TMEM200A: variants seen among roughly 807,000 people sequenced by gnomAD.
TMEM200A encodes transmembrane protein 200A.
TMEM200A carries 12 observed loss-of-function variants against 24.3 expected under a neutral mutation model. That is an observed-to-expected ratio of 0.49 (90% CI 0.32 to 0.80). The LOEUF is 0.80. Among genes scored for constraint, TMEM200A ranks in the 30% least tolerant of loss-of-function variants. TMEM200A has a pLI of 0.04. For synonymous variants in TMEM200A, 224 were observed against 224.4 expected (o/e 1.00, Z 0.02); for missense variants, 545 against 614.4 (o/e 0.89, Z 1.19).
intron 2 of TMEM200A, among the ~76,000 whole-genome samples, chr6:130,390,692 A>C (rs1778813752): frequency 6.6e-6 from 1 of 152,218 alleles, no homozygotes; most frequent in Non-Finnish European, 1.5e-5. Context: ...ATGAAAAGCA[A>C]ATACTGCATA....
intron 2 of TMEM200A, among the ~76,000 whole-genome samples, chr6:130,412,902 A>G (rs1173790812): frequency 6.6e-6 from 1 of 152,234 alleles, no homozygotes; most frequent in Non-Finnish European, 1.5e-5. Context: ...TAATGTGAAG[A>G]TACATATTTT....
chr6:130,393,644 T>C (rs1458983214), intron 2 of TMEM200A, among the ~76,000 whole-genome samples: 1 of 152,328 alleles, frequency 6.6e-6, no homozygotes, highest in African/African-American at 2.4e-5. Flanking sequence ...AATTTGTAAA[T>C]TAGTTTGCTG....
At chr6:130,410,621 C>G (rs1473422753) in intron 2 of TMEM200A, among the ~76,000 whole-genome samples, 1 of 152,146 alleles carries the variant, frequency 6.6e-6, no homozygotes, top group Non-Finnish European at 1.5e-5. Flanking sequence ...GTCATTGCTC[C>G]TGTTGAGTGT....
At chr6:130,382,374 G>A (rs1350571107) in intron 1 of TMEM200A, among the ~76,000 whole-genome samples, 1 of 152,200 alleles carries the variant, frequency 6.6e-6, no homozygotes, top group Non-Finnish European at 1.5e-5. Context: ...TGCTCTACAT[G>A]AAACAGCTGT....
At chr6:130,374,436 G>A (rs957620143) in intron 1 of TMEM200A, among the ~76,000 whole-genome samples, 19 of 149,754 alleles carry the variant, frequency 1.3e-4, no homozygotes, top group African/African-American at 4.2e-4. Context: ...TTTTTCAGAC[G>A]GAGTCTCGCT....
At chr6:130,371,864 T>C (rs754296494) in intron 1 of TMEM200A, among the ~76,000 whole-genome samples, 8 of 152,210 alleles carry the variant, frequency 5.3e-5, no homozygotes, top group Non-Finnish European at 1.0e-4. Context: ...GATAAGAATA[T>C]GGAATGGGCA....
chr6:130,376,257 AATT>A (rs1282424339), intron 1 of TMEM200A, among the ~76,000 whole-genome samples: 1 of 152,194 alleles, frequency 6.6e-6, no homozygotes, highest in African/African-American at 2.4e-5. Context: ...CACATTAAAT[AATT>A]ATCACATTCA....
intron 2 of TMEM200A, among the ~76,000 whole-genome samples, chr6:130,398,277 A>G (rs1407865799): frequency 2.0e-5 from 3 of 152,098 alleles, no homozygotes; most frequent in East Asian, 1.9e-4. Context: ...AGCTGCATCC[A>G]TGTTATTGCA....
rs138070109 is a variant in TMEM200A, at chr6:130,441,573, C to A, written c.1151C>A (p.Ser384Tyr). ...GGGGCTGCCAGAAGACAGTTTGGGT[C>A]CAATACATCCTTGCATTTGCTCTCG... ...SPGAARRQFG[S>Y]NTSLHLLSSH... Residue 384 changes from serine to tyrosine, a missense_variant, in exon 3 of 3, where the codon TCC becomes TAC. Coordinates refer to ENST00000296978, the MANE Select transcript of TMEM200A (RefSeq NM_001258277.2). 81 of 1,613,912 alleles carry A rather than the reference C, an allele frequency of 5.0e-5. No individual in the cohort carries two copies. Among genetic ancestry groups the A allele is most frequent in the Non-Finnish European group, 1.4e-5 (16 of 1,180,006 alleles).
intron 1 of TMEM200A, among the ~76,000 whole-genome samples, chr6:130,368,420 C>A (rs866222739): frequency 6.6e-6 from 1 of 152,144 alleles, no homozygotes; most frequent in Non-Finnish European, 1.5e-5. Context: ...TAGTCATACA[C>A]GTTACTTATC....
At chr6:130,415,119 A>G (rs1236498897) in intron 2 of TMEM200A, among the ~76,000 whole-genome samples, 9 of 152,152 alleles carry the variant, frequency 5.9e-5, no homozygotes, top group Non-Finnish European at 1.2e-4. Context: ...CCTATGTGGA[A>G]TGCAATTCAA....
intron 2 of TMEM200A, among the ~76,000 whole-genome samples, chr6:130,414,836 G>A (rs1206709421): frequency 6.6e-6 from 1 of 152,096 alleles, no homozygotes; most frequent in Non-Finnish European, 1.5e-5. Flanking sequence ...TTATAATCTA[G>A]TGGAGGAGAC....
Position 130,440,547 on chromosome 6 carries a change from G to T in TMEM200A, c.125G>T (p.Arg42Leu), listed in dbSNP as rs780602819. Residue 42 changes from arginine (R) to leucine (L), a missense_variant, in exon 3 of 3, where the codon CGC becomes CTC. Physicochemically the swap from Arg to Leu is moderately radical, Grantham distance 102. Transcript: ENST00000296978. ...PATQEKKPIR[R>L]RPRADVVVVR... ...ACCCAAGAGAAGAAGCCCATCAGGC[G>T]CCGGCCCCGGGCAGATGTTGTGGTT... 15 of 1,613,958 alleles carry T rather than the reference G, an allele frequency of 9.3e-6. No individual in the cohort carries two copies. The highest frequency in any genetic ancestry group is 1.3e-5 in the Non-Finnish European group (15 of 1,179,962).
intron 2 of TMEM200A, among the ~76,000 whole-genome samples, chr6:130,405,803 C>T (rs571113509): frequency 1.3e-4 from 20 of 152,288 alleles, no homozygotes; most frequent in African/African-American, 4.8e-4. Context: ...TGACCCACTG[C>T]TAGCTTGCGG....
chr6:130,411,167 CA>C (rs530219251), intron 2 of TMEM200A, among the ~76,000 whole-genome samples: 4,797 of 129,822 alleles, frequency 0.037, 78 homozygotes, highest in Middle Eastern at 0.088. Flanking sequence ...AACTCCATCT[CA>C]AAAAAAAAAA....
At chr6:130,383,686 G>T (rs1778652288) in intron 1 of TMEM200A, among the ~76,000 whole-genome samples, 1 of 152,166 alleles carries the variant, frequency 6.6e-6, no homozygotes. Context: ...TGAAGACATG[G>T]TGAATACTGC....
chr6:130,425,459 A>G (rs928376455), intron 2 of TMEM200A, among the ~76,000 whole-genome samples: 4 of 152,224 alleles, frequency 2.6e-5, no homozygotes, highest in Admixed American at 1.3e-4. Context: ...ATTCAGATTT[A>G]GGAAGAAAGG....
At chr6:130,416,513 C>A (rs1173016363) in intron 2 of TMEM200A, among the ~76,000 whole-genome samples, 1 of 152,128 alleles carries the variant, frequency 6.6e-6, no homozygotes, top group Non-Finnish European at 1.5e-5. Flanking sequence ...AACTGGGCAT[C>A]ATCTTGATAG....
At chr6:130,400,199 G>T (rs1410933511) in intron 2 of TMEM200A, among the ~76,000 whole-genome samples, 1 of 151,998 alleles carries the variant, frequency 6.6e-6, no homozygotes, top group Admixed American at 6.6e-5. Flanking sequence ...GAATTGTGCT[G>T]CTGTAAACAT....
Sources: gnomAD v4.1 joint callset for allele counts (sites outside exome capture counted in the v4.1 genomes callset) on GRCh38, gnomAD v4.1.1 for gene constraint, MANE v1.5 for transcripts, NCBI Gene and HGNC (gene_info 2026-07-23, HGNC 2026-07-21) for gene names.